UNC79: variants seen among roughly 807,000 people sequenced by gnomAD.
The protein encoded by UNC79 is protein unc-79 homolog.
A neutral mutation model predicts 283.1 loss-of-function variants in UNC79; 37 were observed. The ratio of observed to expected loss-of-function variants is 0.13; its 90% CI spans 0.10 to 0.17. The LOEUF (loss-of-function observed/expected upper bound fraction) is 0.17, where lower values mean the gene tolerates loss of function less well. UNC79 is among the 10% of genes least tolerant of loss of function. The pLI is 1.00. For synonymous variants in UNC79, 1,107 were observed against 1,200.2 expected (o/e 0.92, Z 1.61); for missense variants, 2,272 against 3,211.1 (o/e 0.71, Z 7.07).
At chr14:93,365,607 A>C (rs985912991) in intron 1 of UNC79, among the ~76,000 whole-genome samples, 6 of 152,302 alleles carry the variant, frequency 3.9e-5, no homozygotes, top group African/African-American at 1.2e-4. Context: ...GAATATTAAA[A>C]ATATAATTAT....
intron 5 of UNC79, among the ~76,000 whole-genome samples, chr14:93,489,289 AT>A: frequency 6.6e-6 from 1 of 152,164 alleles, no homozygotes; most frequent in East Asian, 1.9e-4. Flanking sequence ...ATTCCACCCT[AT>A]TTTCTGAAAT....
At chr14:93,495,124 G>A (rs780927198) in intron 5 of UNC79, among the ~76,000 whole-genome samples, 1 of 152,148 alleles carries the variant, frequency 6.6e-6, no homozygotes, top group Non-Finnish European at 1.5e-5. Flanking sequence ...AGGGGCTTTG[G>A]GAAAGCATCT....
chr14:93,380,092 T>C (rs1458838265), intron 1 of UNC79, among the ~76,000 whole-genome samples: 4 of 152,084 alleles, frequency 2.6e-5, no homozygotes, highest in Non-Finnish European at 4.4e-5. Context: ...AGACACAACA[T>C]AAGTAAGGAA....
chr14:93,524,991 A>G (rs776731888), intron 8 of UNC79, among the ~76,000 whole-genome samples: 10 of 152,258 alleles, frequency 6.6e-5, no homozygotes, highest in Non-Finnish European at 1.0e-4. Context: ...TCCAATAAAT[A>G]TAAAAGAAAC....
At chr14:93,340,071 G>A (rs923232446) in intron 1 of UNC79, among the ~76,000 whole-genome samples, 1 of 152,206 alleles carries the variant, frequency 6.6e-6, no homozygotes, top group African/African-American at 2.4e-5. Context: ...GTCTGACCTT[G>A]TGCTGTTCAT....
At chr14:93,435,530 A>G (rs2056053550) in intron 1 of UNC79, among the ~76,000 whole-genome samples, 1 of 152,132 alleles carries the variant, frequency 6.6e-6, no homozygotes, top group South Asian at 2.1e-4. Context: ...CCTCCCACAT[A>G]CAATTTTCTA....
At chr14:93,443,968 G>A (rs866221112) in intron 1 of UNC79, among the ~76,000 whole-genome samples, 66 of 152,304 alleles carry the variant, frequency 4.3e-4, no homozygotes, top group Middle Eastern at 3.4e-3. Context: ...ACCTAGGAAT[G>A]GAATTGCTTG....
chr14:93,680,979 T>C (rs2073800844), intron 41 of UNC79, among the ~76,000 whole-genome samples: 1 of 152,216 alleles, frequency 6.6e-6, no homozygotes, highest in Non-Finnish European at 1.5e-5. Context: ...TTACATTTTC[T>C]AAAACCTGAT....
chr14:93,341,843 T>C (rs185729632), intron 1 of UNC79, among the ~76,000 whole-genome samples: 6 of 152,188 alleles, frequency 3.9e-5, no homozygotes, highest in Admixed American at 3.3e-4. Flanking sequence ...TCCAAAATAA[T>C]CTCTTTTGAC....
chr14:93,399,056 CCTT>C (rs1186480489), intron 1 of UNC79, among the ~76,000 whole-genome samples: 1 of 152,126 alleles, frequency 6.6e-6, no homozygotes, highest in Non-Finnish European at 1.5e-5. Flanking sequence ...GAAGCAAACA[CCTT>C]CTTCACAAGG....
chr14:93,640,631 C>A (rs2068937622), intron 32 of UNC79, among the ~76,000 whole-genome samples: 1 of 152,158 alleles, frequency 6.6e-6, no homozygotes, highest in Admixed American at 6.5e-5. Context: ...TTGTCACAAA[C>A]AAACAAACAA....
chr14:93,401,582 G>A (rs1012370221), intron 1 of UNC79, among the ~76,000 whole-genome samples: 1 of 152,196 alleles, frequency 6.6e-6, no homozygotes, highest in Non-Finnish European at 1.5e-5. Flanking sequence ...ACTGCTTGAA[G>A]TCTCCTGCTA....
chr14:93,702,485 T>C (rs139988939), intron 47 of UNC79, among the ~76,000 whole-genome samples: 183 of 152,324 alleles, frequency 1.2e-3, no homozygotes, highest in African/African-American at 4.3e-3. Flanking sequence ...ATCAACAGAA[T>C]GTTAAAAGTC....
At chr14:93,572,205 C>A in intron 15 of UNC79, 121 bp downstream of exon 15, 3 of 1,028,028 alleles carry the variant, frequency 2.9e-6, no homozygotes, top group Non-Finnish European at 4.0e-6. Flanking sequence ...TTTTTAACCA[C>A]CCTGTGGAGA....
intron 22 of UNC79, 42 bp from the exon 23 acceptor site, chr14:93,593,638 T>C (rs2064852661): frequency 6.3e-6 from 10 of 1,576,244 alleles, no homozygotes; most frequent in Non-Finnish European, 7.7e-6. Flanking sequence ...TCTGGAAAAG[T>C]TGTGATAACT....
chr14:93,556,367 A>C (rs1306516157), intron 14 of UNC79, among the ~76,000 whole-genome samples: 2 of 152,226 alleles, frequency 1.3e-5, no homozygotes, highest in African/African-American at 4.8e-5. Flanking sequence ...CCTCTTATTT[A>C]GCTATTGCAC....
At chr14:93,655,475 A>C in intron 38 of UNC79, 68 bp downstream of exon 41, 4 of 1,565,974 alleles carry the variant, frequency 2.6e-6, no homozygotes, top group Non-Finnish European at 2.6e-6. Context: ...ATTTACAAGC[A>C]GCAGAGTCTT....
chr14:93,682,844 T>C, intron 42 of UNC79, 150 bp downstream of exon 45: 1 of 677,400 alleles, frequency 1.5e-6, no homozygotes, highest in Non-Finnish European at 2.5e-6. Flanking sequence ...AATTCTTTGA[T>C]TCATAACATC....
chr14:93,538,272 T>C, intron 12 of UNC79, 54 bp downstream of exon 12: 2 of 1,472,042 alleles, frequency 1.4e-6, no homozygotes, highest in South Asian at 1.4e-5. Flanking sequence ...TGCTTTGAGC[T>C]AAGCTCCGCA....
Sources: gnomAD v4.1 joint callset for allele counts (sites outside exome capture counted in the v4.1 genomes callset) on GRCh38, gnomAD v4.1.1 for gene constraint, MANE v1.5 for transcripts, NCBI Gene and HGNC (gene_info 2026-07-23, HGNC 2026-07-21) for gene names.